SESN1: variants seen among roughly 807,000 people sequenced by gnomAD.
The protein encoded by SESN1 is sestrin 1.
A neutral mutation model predicts 59.3 loss-of-function variants in SESN1; 30 were observed. The observed-to-expected ratio is 0.51, with a 90% confidence interval of 0.38 to 0.69. The LOEUF is 0.69. Among genes scored for constraint, SESN1 ranks in the 30% least tolerant of loss-of-function variants. The probability of loss-of-function intolerance (pLI) is 0.00; values close to 1 mark genes in which losing one functional copy is unlikely to be tolerated. For missense variants in SESN1, 566 were observed against 673.0 expected, an observed-to-expected ratio of 0.84 and a Z score of 1.76; for synonymous variants, 197 against 219.9, an observed-to-expected ratio of 0.90 and a Z score of 0.92.
chr6:109,032,292 G>C (rs927825408), intron 1 of SESN1, among the ~76,000 whole-genome samples: 1 of 151,966 alleles, frequency 6.6e-6, no homozygotes, highest in Non-Finnish European at 1.5e-5. Context: ...TCAGAGTTTG[G>C]AGCATTTCAG....
At chr6:108,989,067 A>G (rs1779284985) in intron 8 of SESN1, among the ~76,000 whole-genome samples, 1 of 152,164 alleles carries the variant, frequency 6.6e-6, no homozygotes, top group Non-Finnish European at 1.5e-5. Flanking sequence ...CAGTGGTGCT[A>G]TCTTGGCTTA....
At chr6:108,994,698 CTTTTTT>C (rs11395949) in intron 5 of SESN1, 89 bp from the exon 6 acceptor site, 95 of 292,862 alleles carry the variant, frequency 3.2e-4, no homozygotes, top group South Asian at 3.6e-4. Context: ...GAATTTATAT[CTTTTTT>C]TTTTTTTTTT....
intron 1 of SESN1, among the ~76,000 whole-genome samples, chr6:109,047,456 A>T (rs76519863): frequency 2.9e-5 from 3 of 104,728 alleles, no homozygotes; most frequent in African/African-American, 3.4e-5. Flanking sequence ...CAGCCGCCCC[A>T]TCCGGGAGGG....
Position 108,990,815 on chromosome 6 carries a change from A to G in SESN1, c.1254T>C (p.His418=), listed in dbSNP as rs374188460. 46 of 1,613,868 alleles carry G rather than the reference A, an allele frequency of 2.9e-5. No individual in the cohort carries two copies. The highest frequency in any genetic ancestry group is 6.7e-5 in the East Asian group (3 of 44,878). ...AAAGGCGATTTACCAAAGAATAACC[A>G]TGATCTTCCCAGCAATAGTCCTAAA... The part of the protein sequence containing the change: ...FRVQDYCWED[H]GYSLVNRLYP... The change falls in exon 8 of 10, where the codon CAT becomes CAC. Residue 418 remains histidine (H), a synonymous_variant. Transcript: ENST00000436639.
intron 1 of SESN1, among the ~76,000 whole-genome samples, chr6:109,064,691 A>G: frequency 1.8e-5 from 1 of 55,138 alleles, no homozygotes; most frequent in Admixed American, 2.9e-4. Context: ...TGGGTGGGAG[A>G]GAGAGAGAGG....
chr6:109,009,597 GC>G (rs1779818936), intron 1 of SESN1: 3 of 1,045,972 alleles, frequency 2.9e-6, no homozygotes, highest in Non-Finnish European at 3.5e-6. Context: ...GCGCGGCCCC[GC>G]CCCGCGCCCG....
At chr6:109,008,360 A>T (rs1188634686) in intron 1 of SESN1, among the ~76,000 whole-genome samples, 1 of 152,252 alleles carries the variant, frequency 6.6e-6, no homozygotes, top group Non-Finnish European at 1.5e-5. Flanking sequence ...AAGTTTCCAA[A>T]GCGATACTGT....
rs1779175782 is a variant in SESN1, at chr6:108,986,028, CAGGCACTAG to C, written c.*1507_*1515del. ...CCACACTACCCCATACATTTGTAGG[CAGGCACTAG>C]ATTGAGCTCAATAAATGTTTTGAGG... On this transcript the variant is annotated 3_prime_UTR_variant, in exon 10 of 10. Coordinates refer to ENST00000436639, the MANE Select transcript of SESN1 (RefSeq NM_014454.3). Among the ~76,000 whole-genome samples the C allele has an allele frequency of 6.6e-6, 1 of 152,142 alleles. No individual in the cohort carries two copies. Among genetic ancestry groups the C allele is most frequent in the Non-Finnish European group, 1.5e-5 (1 of 68,022 alleles).
At chr6:108,988,428 T>C in intron 9 of SESN1, 115 bp downstream of exon 9, 3 of 881,210 alleles carry the variant, frequency 3.4e-6, no homozygotes, top group Non-Finnish European at 3.3e-6. Context: ...TCCTGGAATG[T>C]TTTTCTTTGG....
chr6:109,034,669 C>G (rs950488993), intron 1 of SESN1, among the ~76,000 whole-genome samples: 2 of 152,150 alleles, frequency 1.3e-5, no homozygotes, highest in Non-Finnish European at 2.9e-5. Flanking sequence ...CAGTGAGATA[C>G]AAAAGGGAAT....
chr6:109,000,444 T>C (rs1022320720), intron 4 of SESN1, 47 bp downstream of exon 4: 1 of 1,375,636 alleles, frequency 7.3e-7, no homozygotes. Flanking sequence ...AAAACTGCTC[T>C]AAAAAAGTCT....
At chr6:109,046,113 C>A (rs1301365847) in intron 1 of SESN1, among the ~76,000 whole-genome samples, 1 of 152,104 alleles carries the variant, frequency 6.6e-6, no homozygotes. Flanking sequence ...CTCTCCCTCT[C>A]CCTCTCCCCA....
intron 1 of SESN1, among the ~76,000 whole-genome samples, chr6:109,017,819 T>C (rs1227656046): frequency 6.6e-6 from 1 of 152,210 alleles, no homozygotes; most frequent in East Asian, 1.9e-4. Flanking sequence ...TGAAGGGCAA[T>C]TGAACTTAAT....
rs1781428668 is a variant in SESN1, at chr6:109,094,375, C to T, written c.-302G>A. 4.8e-6 allele frequency: 2 copies of T among 414,300 alleles called. No homozygotes were observed. The highest frequency in any genetic ancestry group is 8.8e-6 in the Non-Finnish European group (2 of 228,528). The allele number at this position is 414,300 out of a possible 1,614,324, so 25.7% of individuals were successfully genotyped here. On this transcript the variant is annotated 5_prime_UTR_variant, in exon 1 of 10. Transcript: ENST00000436639. ...GAGAATTTCGGGGAAGCGTTCTCCTCCGTCTCGCGGGGTCAGTGGATATCC... is the reference window on the plus strand; with the variant it reads ...GAGAATTTCGGGGAAGCGTTCTCCTTCGTCTCGCGGGGTCAGTGGATATCC...
chr6:109,015,319 T>C (rs548092690), intron 1 of SESN1, among the ~76,000 whole-genome samples: 1 of 152,304 alleles, frequency 6.6e-6, no homozygotes, highest in African/African-American at 2.4e-5. Context: ...TTTCTGTGAC[T>C]GCTCTCCTGC....
At chr6:109,023,740 CAAAAT>C (rs998166849) in intron 1 of SESN1, among the ~76,000 whole-genome samples, 14 of 151,820 alleles carry the variant, frequency 9.2e-5, no homozygotes, top group African/African-American at 3.1e-4. Flanking sequence ...TTGGATCTAA[CAAAAT>C]AAAATGAGTA....
At chr6:109,056,038 C>T (rs1236921678) in intron 1 of SESN1, among the ~76,000 whole-genome samples, 1 of 152,188 alleles carries the variant, frequency 6.6e-6, no homozygotes, top group African/African-American at 2.4e-5. Flanking sequence ...ACAATTTAAG[C>T]TATTTCTGTT....
At chr6:109,044,311 C>CAAAAAAAAAAAAAAA (rs71015570) in intron 1 of SESN1, among the ~76,000 whole-genome samples, 1 of 28,472 alleles carries the variant, frequency 3.5e-5, no homozygotes. Context: ...GAACTTGCCT[C>CAAAAAAAAAAAAAAA]AAAAAAAAAA....
intron 1 of SESN1, among the ~76,000 whole-genome samples, chr6:109,012,591 C>G (rs183399231): frequency 1.8e-4 from 28 of 152,124 alleles, no homozygotes; most frequent in African/African-American, 5.3e-4. Context: ...AGATAGGCTT[C>G]CTGAAGGAAA....
Sources: allele counts gnomAD v4.1 joint callset (sites outside exome capture counted in the v4.1 genomes callset), GRCh38; gene constraint gnomAD v4.1.1; transcripts MANE v1.5; gene names NCBI Gene and HGNC (gene_info 2026-07-23, HGNC 2026-07-21).